The following CPVL variants were observed in gnomAD, a reference collection of about 807,000 sequenced individuals.
The protein encoded by CPVL is carboxypeptidase vitellogenic like.
Under a neutral mutation model 63.7 loss-of-function variants are expected in CPVL, and 51 were observed. That is an observed-to-expected ratio of 0.80 (90% CI 0.64 to 1.01). The LOEUF (loss-of-function observed/expected upper bound fraction) is 1.01. CPVL is among the 50% of genes least tolerant of loss of function. The pLI is 0.00. For missense variants in CPVL, 530 were observed against 573.1 expected (o/e 0.92, Z 0.77); for synonymous variants, 195 against 206.0 (o/e 0.95, Z 0.46).
intron 1 of CPVL, among the ~76,000 whole-genome samples, chr7:29,141,380 T>C (rs768893893): frequency 4.0e-5 from 6 of 151,290 alleles, no homozygotes; most frequent in Non-Finnish European, 5.9e-5. Flanking sequence ...TGAAACCCCG[T>C]CTCTACTAAA....
chr7:29,172,162 G>GA (rs1389069822), intron 5 of CPVL, among the ~76,000 whole-genome samples: 1 of 152,074 alleles, frequency 6.6e-6, no homozygotes, highest in Admixed American at 6.5e-5. Flanking sequence ...TATATGGGGG[G>GA]ATTCCTGCAA....
intron 6 of CPVL, among the ~76,000 whole-genome samples, chr7:29,089,044 G>A (rs571732566): frequency 1.3e-3 from 196 of 152,288 alleles, no homozygotes; most frequent in African/African-American, 4.5e-3. Flanking sequence ...AGGTACAAGA[G>A]CTACATGGCA....
intron 11 of CPVL, among the ~76,000 whole-genome samples, chr7:29,041,081 C>T (rs1320403544): frequency 6.6e-6 from 1 of 151,420 alleles, no homozygotes; most frequent in South Asian, 2.1e-4. Context: ...GCTTTCTGAT[C>T]CCCTTGCCTC....
chr7:29,118,774 T>C (rs531608757), intron 2 of CPVL, among the ~76,000 whole-genome samples: 2 of 152,358 alleles, frequency 1.3e-5, no homozygotes, highest in Admixed American at 1.3e-4. Flanking sequence ...ATCTTTAAAA[T>C]GACCATTTGT....
intron 6 of CPVL, among the ~76,000 whole-genome samples, chr7:29,091,041 A>G (rs1785721257): frequency 6.6e-6 from 1 of 152,352 alleles, no homozygotes; most frequent in South Asian, 2.1e-4. Context: ...AATAGTGTAA[A>G]CTATAAAGGA....
intron 12 of CPVL, among the ~76,000 whole-genome samples, chr7:29,004,679 T>C: frequency 6.6e-6 from 1 of 152,200 alleles, no homozygotes; most frequent in Non-Finnish European, 1.5e-5. Flanking sequence ...TTCTCATTTG[T>C]AAAATGGGGA....
At chr7:28,997,305 A>G (rs1784179444) in intron 12 of CPVL, among the ~76,000 whole-genome samples, 3 of 152,238 alleles carry the variant, frequency 2.0e-5, no homozygotes, top group South Asian at 4.1e-4. Flanking sequence ...TAGCTGCAGA[A>G]TCACGATCAG....
intron 12 of CPVL, among the ~76,000 whole-genome samples, chr7:29,004,684 T>C (rs1157040828): frequency 1.3e-5 from 2 of 152,104 alleles, no homozygotes; most frequent in East Asian, 1.9e-4. Context: ...ATTTGTAAAA[T>C]GGGGATAAGA....
chr7:29,079,491 A>C (rs1031525449), intron 7 of CPVL, among the ~76,000 whole-genome samples: 5 of 152,206 alleles, frequency 3.3e-5, no homozygotes, highest in Non-Finnish European at 5.9e-5. Context: ...GGGAAGAATA[A>C]TCATAGCACC....
chr7:29,008,673 C>T (rs1025071421), intron 12 of CPVL, among the ~76,000 whole-genome samples: 3 of 151,952 alleles, frequency 2.0e-5, no homozygotes, highest in African/African-American at 4.8e-5. Context: ...GTTTCTATGC[C>T]GAGCACTAGG....
At position 29,086,461 on chromosome 7, in the gene CPVL, A is replaced by G. The variant is rs187619195; in HGVS notation, c.609+23T>C. 6.1e-4 allele frequency: 951 copies of G among 1,560,494 alleles called. 4 individuals are homozygous for G. The African/African-American group carries it at 0.011, about 18-fold the overall frequency. ...AGTTCTGGTGATGTTTGAAGCACAC[A>G]AGGAAACGTGACTTCTACTTACCTC... On this transcript the variant is annotated intron_variant, in intron 7 of 12. Transcript: ENST00000265394.
At chr7:29,041,306 A>G (rs1789065329) in intron 11 of CPVL, among the ~76,000 whole-genome samples, 1 of 151,938 alleles carries the variant, frequency 6.6e-6, no homozygotes, top group East Asian at 1.9e-4. Flanking sequence ...TGAACACCGG[A>G]CCTCAAGTGA....
intron 11 of CPVL, among the ~76,000 whole-genome samples, chr7:29,033,639 C>G (rs1479699490): frequency 6.6e-6 from 1 of 152,156 alleles, no homozygotes; most frequent in East Asian, 1.9e-4. Flanking sequence ...AGGGAGGAGA[C>G]AGAGATGAAT....
At position 29,103,253 on chromosome 7, in the gene CPVL, T is replaced by G. The variant is rs77637328; in HGVS notation, c.289-7036A>C. On this transcript the variant is annotated intron_variant, in intron 3 of 12. Transcript: ENST00000265394. ...AGAAACATAATTGTTGTTTTGTTTT[T>G]TTTTTTTTTTGAGATGGAGGCTTGC... 5.4e-3 allele frequency among the ~76,000 whole-genome samples: 597 copies of G among 110,372 alleles called. 9 individuals carry two copies. The highest frequency in any genetic ancestry group is 0.014 in the African/African-American group (469 of 33,282). The allele number at this position is 110,372 out of a possible 152,430, so 72.4% of individuals were successfully genotyped here. A position where few individuals can be genotyped will look rare whatever the true frequency, so the allele number is the denominator to read the frequency against.
intron 11 of CPVL, among the ~76,000 whole-genome samples, chr7:29,050,785 G>A (rs1279720037): frequency 6.7e-6 from 1 of 149,530 alleles, no homozygotes; most frequent in African/African-American, 2.5e-5. Context: ...AGCCCACAAA[G>A]CCAAAGTGAG....
At chr7:29,069,810 G>A (rs1013643984) in intron 9 of CPVL, among the ~76,000 whole-genome samples, 8 of 146,460 alleles carry the variant, frequency 5.5e-5, no homozygotes, top group Admixed American at 1.4e-4. Context: ...GTGTGTGTGT[G>A]TGTGTGTGTG....
intron 12 of CPVL, among the ~76,000 whole-genome samples, chr7:29,021,055 G>A (rs946610351): frequency 6.6e-6 from 1 of 152,100 alleles, no homozygotes; most frequent in Non-Finnish European, 1.5e-5. Flanking sequence ...GTACATGCCT[G>A]TAGTCCCAGC....
At chr7:29,081,081 G>A (rs1784663425) in intron 7 of CPVL, among the ~76,000 whole-genome samples, 1 of 152,114 alleles carries the variant, frequency 6.6e-6, no homozygotes, top group South Asian at 2.1e-4. Flanking sequence ...CGGTCCCCCT[G>A]ATCCTGTCAC....
intron 5 of CPVL, among the ~76,000 whole-genome samples, chr7:29,154,813 C>T (rs245900): frequency 0.49 from 73,886 of 152,106 alleles, 18,741 homozygotes; most frequent in East Asian, 0.65. Flanking sequence ...CCAGCCTGGG[C>T]GACAGAGTGA....
Sources: gnomAD v4.1 joint callset for allele counts (sites outside exome capture counted in the v4.1 genomes callset) on GRCh38, gnomAD v4.1.1 for gene constraint, MANE v1.5 for transcripts, NCBI Gene and HGNC (gene_info 2026-07-23, HGNC 2026-07-21) for gene names.